The following CTNNA3 variants were observed in gnomAD, a reference collection of about 807,000 sequenced individuals.
CTNNA3 encodes catenin alpha 3, also known as catenin alpha-3.
In CTNNA3, 76 loss-of-function variants were observed where a neutral mutation model predicts 95.7. The ratio of observed to expected loss-of-function variants is 0.79; its 90% confidence interval spans 0.66 to 0.96. The LOEUF (loss-of-function observed/expected upper bound fraction) is 0.96. CTNNA3 is among the 40% of genes least tolerant of loss of function. The pLI, the probability that CTNNA3 is intolerant of heterozygous loss-of-function variation, is 0.00. For synonymous variants in CTNNA3, 431 were observed against 374.4 expected (o/e 1.15, Z -1.74); for missense variants, 1,191 against 1,089.8 (o/e 1.09, Z -1.31).
intron 14 of CTNNA3, chr10:66,098,903 CTTTTAATATTT>C (rs2133725056): frequency 6.6e-6 from 1 of 152,266 alleles, no homozygotes; most frequent in South Asian, 2.1e-4. Flanking sequence ...CATTATTGGT[CTTTTAATATTT>C]TGTTCTCATT....
intron 6 of CTNNA3, among the ~76,000 whole-genome samples, chr10:67,184,971 T>C (rs1862763407): frequency 6.6e-6 from 1 of 152,196 alleles, no homozygotes; most frequent in Non-Finnish European, 1.5e-5. Context: ...TGCATAGTTT[T>C]TTATAATACA....
intron 12 of CTNNA3, among the ~76,000 whole-genome samples, chr10:66,308,661 A>T (rs2091963284): frequency 6.6e-6 from 1 of 152,320 alleles, no homozygotes; most frequent in Non-Finnish European, 1.5e-5. Context: ...ACATATATTT[A>T]AAATCATCAC....
At chr10:66,093,391 T>G in intron 14 of CTNNA3, among the ~76,000 whole-genome samples, 1 of 152,024 alleles carries the variant, frequency 6.6e-6, no homozygotes, top group East Asian at 1.9e-4. Context: ...AGTTTTTGTT[T>G]TATTAAATCA....
chr10:67,720,035 A>G (rs1841169829), intron 1 of CTNNA3, among the ~76,000 whole-genome samples: 1 of 149,002 alleles, frequency 6.7e-6, no homozygotes, highest in Non-Finnish European at 1.5e-5. Flanking sequence ...TGTTGCATTG[A>G]TCCCTTCACC....
intron 10 of CTNNA3, among the ~76,000 whole-genome samples, chr10:66,607,027 A>C (rs555590634): frequency 6.6e-6 from 1 of 152,126 alleles, no homozygotes; most frequent in South Asian, 2.1e-4. Context: ...TTAGATAGAC[A>C]TCTAGCTAGA....
chr10:67,620,923 G>GTGTGTA lies in CTNNA3; in HGVS notation c.100-13875_100-13874insTACACA, dbSNP rs1402402526. Among the ~76,000 whole-genome samples, 362 of 123,824 alleles carry GTGTGTA rather than the reference G, an allele frequency of 2.9e-3. 2 individuals carry two copies. Among genetic ancestry groups the GTGTGTA allele is most frequent in the East Asian group, 0.018 (79 of 4,456 alleles). 81.2% of individuals were successfully genotyped at this position (123,824 alleles called of 152,430 possible). On this transcript the variant is annotated intron_variant, in intron 2 of 17. Transcript: ENST00000433211. Reference sequence around the variant, plus strand: ...TGTATATGTGTGTGTGTGTGTGTGTGTATATATATATATATATATATATAT... The same window carrying GTGTGTA: ...TGTATATGTGTGTGTGTGTGTGTGTGTGTGTATATATATATATATATATATATATAT...
chr10:67,530,615 T>C (rs1291748367), intron 4 of CTNNA3, among the ~76,000 whole-genome samples: 1 of 152,196 alleles, frequency 6.6e-6, no homozygotes, highest in Non-Finnish European at 1.5e-5. Context: ...AAGCAGAGCA[T>C]AAAGTTTGGA....
chr10:66,108,093 T>G (rs1006095331), intron 13 of CTNNA3, among the ~76,000 whole-genome samples: 2 of 152,110 alleles, frequency 1.3e-5, no homozygotes, highest in Non-Finnish European at 2.9e-5. Context: ...TTCAATGATT[T>G]CATTCCAGCT....
chr10:67,257,912 C>A (rs2132380389), intron 5 of CTNNA3, among the ~76,000 whole-genome samples: 1 of 152,296 alleles, frequency 6.6e-6, no homozygotes, highest in Non-Finnish European at 1.5e-5. Flanking sequence ...GCTGTTTAGA[C>A]TCTCCTTACA....
intron 14 of CTNNA3, among the ~76,000 whole-genome samples, chr10:66,070,156 A>G (rs1300679867): frequency 6.6e-6 from 1 of 152,080 alleles, no homozygotes; most frequent in African/African-American, 2.4e-5. Flanking sequence ...ACACAAGACT[A>G]AGTTTTTAAC....
intron 11 of CTNNA3, among the ~76,000 whole-genome samples, chr10:66,401,423 G>A (rs2093019602): frequency 6.6e-6 from 1 of 151,564 alleles, no homozygotes; most frequent in South Asian, 2.1e-4. Context: ...CTACTCCAGA[G>A]GCTGAGGTGC....
At chr10:65,925,483 C>A (rs1305410709) in intron 17 of CTNNA3, among the ~76,000 whole-genome samples, 1 of 152,144 alleles carries the variant, frequency 6.6e-6, no homozygotes, top group African/African-American at 2.4e-5. Flanking sequence ...GTTGTCCAGA[C>A]TGGAGTGCAT....
intron 5 of CTNNA3, among the ~76,000 whole-genome samples, chr10:67,419,805 T>C (rs1244389143): frequency 6.6e-6 from 1 of 152,210 alleles, no homozygotes. Flanking sequence ...CATAATCCCT[T>C]TTCTTAAATT....
rs143671672 is a variant in CTNNA3, at chr10:66,709,886, T to C, written c.1281+56378A>G. On this transcript the variant is annotated intron_variant, in intron 9 of 17. Coordinates refer to ENST00000433211, the MANE Select transcript of CTNNA3 (RefSeq NM_013266.4). ...AAATCAGAACCCTAATGTGTAAATT[T>C]CGCTGTTGTAGTAAGAAATATACAA... Among the ~76,000 whole-genome samples the C allele has an allele frequency of 2.8e-3, 431 of 152,266 alleles. 2 individuals carry two copies. The highest frequency in any genetic ancestry group is 9.9e-3 in the African/African-American group (411 of 41,550).
At chr10:66,777,277 T>C (rs571853238) in intron 7 of CTNNA3, among the ~76,000 whole-genome samples, 8 of 151,962 alleles carry the variant, frequency 5.3e-5, no homozygotes, top group African/African-American at 1.9e-4. Context: ...TGGCACCACA[T>C]ATGTTCAGCT....
chr10:66,239,766 G>A (rs1157598109), intron 13 of CTNNA3, among the ~76,000 whole-genome samples: 3 of 151,778 alleles, frequency 2.0e-5, no homozygotes, highest in African/African-American at 7.3e-5. Flanking sequence ...TTTGGGACAA[G>A]ACATGTTGCT....
At chr10:66,984,384 A>C (rs544984737) in intron 7 of CTNNA3, among the ~76,000 whole-genome samples, 2 of 152,300 alleles carry the variant, frequency 1.3e-5, no homozygotes, top group African/African-American at 4.8e-5. Context: ...GAAGGTTAAA[A>C]GTCTAAGAAG....
intron 5 of CTNNA3, among the ~76,000 whole-genome samples, chr10:67,351,584 C>T (rs1031345562): frequency 5.9e-5 from 9 of 151,904 alleles, no homozygotes; most frequent in African/African-American, 1.9e-4. Flanking sequence ...AGTTGGCCAG[C>T]GTGTTGTTTA....
chr10:66,715,333 T>TA (rs963287783), intron 9 of CTNNA3, among the ~76,000 whole-genome samples: 1 of 152,064 alleles, frequency 6.6e-6, no homozygotes, highest in Non-Finnish European at 1.5e-5. Flanking sequence ...GTTCACAAGT[T>TA]AAAGATTGTC....
Sources: allele counts gnomAD v4.1 joint callset (sites outside exome capture counted in the v4.1 genomes callset), GRCh38; gene constraint gnomAD v4.1.1; transcripts MANE v1.5; gene names NCBI Gene and HGNC (gene_info 2026-07-23, HGNC 2026-07-21).